BTBD9: variants seen among roughly 807,000 people sequenced by gnomAD.
The protein encoded by BTBD9 is BTB/POZ domain-containing protein 9.
A neutral mutation model predicts 64.3 loss-of-function variants in BTBD9; 49 were observed. The ratio of observed to expected loss-of-function variants is 0.76; its 90% CI spans 0.61 to 0.97. BTBD9 has a LOEUF of 0.97. BTBD9 is among the 50% of genes least tolerant of loss of function. The probability of loss-of-function intolerance (pLI) is 0.00; values close to 1 mark genes in which losing one functional copy is unlikely to be tolerated. For synonymous variants in BTBD9, 260 were observed against 274.7 expected (o/e 0.95, Z 0.53); for missense variants, 598 against 762.1 (o/e 0.78, Z 2.53).
chr6:38,501,032 G>T (rs1192089934), intron 6 of BTBD9, among the ~76,000 whole-genome samples: 1 of 152,142 alleles, frequency 6.6e-6, no homozygotes, highest in Non-Finnish European at 1.5e-5. Flanking sequence ...TTGCTGTGAT[G>T]AATAAAACAG....
At chr6:38,340,872 C>T (rs1764071285) in intron 7 of BTBD9, among the ~76,000 whole-genome samples, 1 of 152,144 alleles carries the variant, frequency 6.6e-6, no homozygotes, top group African/African-American at 2.4e-5. Flanking sequence ...TGGATAGATA[C>T]ACACAACACT....
At chr6:38,198,151 TAAA>T (rs756952152) in intron 9 of BTBD9, among the ~76,000 whole-genome samples, 32 of 152,222 alleles carry the variant, frequency 2.1e-4, no homozygotes, top group Admixed American at 7.8e-4. Context: ...TTGAAATAAA[TAAA>T]AAGAAAGAGA....
At chr6:38,193,052 T>C (rs1471730299) in intron 9 of BTBD9, among the ~76,000 whole-genome samples, 2 of 130,516 alleles carry the variant, frequency 1.5e-5, no homozygotes, top group Admixed American at 1.5e-4. Context: ...ACTTGGAGTA[T>C]AATAATAATA....
intron 6 of BTBD9, among the ~76,000 whole-genome samples, chr6:38,448,180 T>C (rs1582446774): frequency 6.6e-6 from 1 of 150,620 alleles, no homozygotes; most frequent in South Asian, 2.1e-4. Context: ...TTCTCCACAA[T>C]AGTGTATCAC....
chr6:38,178,067 A>G (rs1053476001), intron 10 of BTBD9, among the ~76,000 whole-genome samples: 1 of 152,222 alleles, frequency 6.6e-6, no homozygotes. Flanking sequence ...GCTGCGTCCC[A>G]GTCTGTGGCC....
intron 6 of BTBD9, among the ~76,000 whole-genome samples, chr6:38,577,081 A>C (rs1776072603): frequency 1.3e-5 from 2 of 152,082 alleles, no homozygotes; most frequent in Non-Finnish European, 2.9e-5. Context: ...ATGCAACCCC[A>C]CTTGAAACAC....
chr6:38,569,681 C>T (rs969587069), intron 6 of BTBD9, among the ~76,000 whole-genome samples: 2 of 152,028 alleles, frequency 1.3e-5, no homozygotes, highest in Non-Finnish European at 2.9e-5. Context: ...TGTTATTATC[C>T]TCTAAACAAA....
At chr6:38,592,040 G>A (rs919841349) in intron 4 of BTBD9, among the ~76,000 whole-genome samples, 5 of 151,944 alleles carry the variant, frequency 3.3e-5, no homozygotes, top group African/African-American at 9.7e-5. Flanking sequence ...AAAATTAGCC[G>A]AGTGTGGTGG....
chr6:38,325,886 A>T (rs1763407636), intron 7 of BTBD9, among the ~76,000 whole-genome samples: 1 of 152,210 alleles, frequency 6.6e-6, no homozygotes, highest in Admixed American at 6.5e-5. Flanking sequence ...CATTCATTCA[A>T]CACTTACTGA....
At chr6:38,466,475 T>C (rs1184127201) in intron 6 of BTBD9, among the ~76,000 whole-genome samples, 1 of 151,982 alleles carries the variant, frequency 6.6e-6, no homozygotes, top group African/African-American at 2.4e-5. Context: ...ATTTTTTTAG[T>C]AGAGACGGGG....
chr6:38,192,690 G>T, intron 9 of BTBD9, 93 bp from the exon 10 acceptor site: 1 of 1,138,462 alleles, frequency 8.8e-7, no homozygotes, highest in East Asian at 2.4e-5. Context: ...AGGAGGGAGG[G>T]CTTCCTGTCC....
chr6:38,261,232 G>C (rs1438005538), intron 8 of BTBD9, among the ~76,000 whole-genome samples: 3 of 152,076 alleles, frequency 2.0e-5, no homozygotes, highest in Admixed American at 2.0e-4. Flanking sequence ...AGCGTATTAT[G>C]AAAATTTTGT....
chr6:38,531,546 T>TAAC (rs959940378), intron 6 of BTBD9, among the ~76,000 whole-genome samples: 2 of 152,176 alleles, frequency 1.3e-5, no homozygotes, highest in African/African-American at 4.8e-5. Context: ...TGGAATACTA[T>TAAC]AACAAACACT....
rs1419854616 is a variant in BTBD9 at position 38,171,954 on chromosome 6, C to G, written c.*3031G>C. The stretch of plus-strand genomic sequence containing the variant: ...GTGCTGGCCACCTCCCATTTCTTTG[C>G]CTGGGTGGTGGTGACCATGGCGCCC... On this transcript the variant is annotated 3_prime_UTR_variant, in exon 11 of 11. Coordinates refer to ENST00000481247, the MANE Select transcript of BTBD9 (RefSeq NM_001099272.2). The G allele has an allele frequency of 4.0e-5, 6 of 150,168 alleles. No homozygotes were observed. Among genetic ancestry groups the G allele is most frequent in the African/African-American group, 1.5e-4 (6 of 40,714 alleles). 9.3% of individuals were successfully genotyped at this position (150,168 alleles called of 1,614,324 possible).
At chr6:38,220,904 G>A (rs1763176845) in intron 9 of BTBD9, among the ~76,000 whole-genome samples, 1 of 152,210 alleles carries the variant, frequency 6.6e-6, no homozygotes, top group Non-Finnish European at 1.5e-5. Flanking sequence ...GGATGCTACT[G>A]TAACCAGAGG....
At chr6:38,310,348 T>A (rs1421295584) in intron 7 of BTBD9, among the ~76,000 whole-genome samples, 2 of 152,008 alleles carry the variant, frequency 1.3e-5, no homozygotes, top group African/African-American at 4.8e-5. Flanking sequence ...CTGGCGCAGT[T>A]TGGCTTCAAA....
chr6:38,508,811 C>T (rs1562277538), intron 6 of BTBD9, among the ~76,000 whole-genome samples: 1 of 152,182 alleles, frequency 6.6e-6, no homozygotes, highest in African/African-American at 2.4e-5. Context: ...GTTATTCCCC[C>T]AAATCCAAGA....
intron 8 of BTBD9, among the ~76,000 whole-genome samples, chr6:38,270,537 C>T (rs2127543597): frequency 6.6e-6 from 1 of 152,256 alleles, no homozygotes; most frequent in Non-Finnish European, 1.5e-5. Context: ...AAGAGGACCC[C>T]AGCCTATCTG....
intron 6 of BTBD9, among the ~76,000 whole-genome samples, chr6:38,400,155 G>A (rs1766865279): frequency 6.6e-6 from 1 of 152,002 alleles, no homozygotes; most frequent in Non-Finnish European, 1.5e-5. Flanking sequence ...ATCGGGTCCT[G>A]TTTCCTTCAC....
Sources: gnomAD v4.1 joint callset for allele counts (sites outside exome capture counted in the v4.1 genomes callset) on GRCh38, gnomAD v4.1.1 for gene constraint, MANE v1.5 for transcripts, NCBI Gene and HGNC (gene_info 2026-07-23, HGNC 2026-07-21) for gene names.